TMEM108: variants seen among roughly 807,000 people sequenced by gnomAD.
The protein encoded by TMEM108 is cancer/testis antigen 124.
Under a neutral mutation model 35.1 loss-of-function variants are expected in TMEM108, and 12 were observed. That is an observed-to-expected ratio of 0.34 (90% CI 0.22 to 0.55). TMEM108 has a LOEUF of 0.55. Ranked by LOEUF, TMEM108 falls within the 20% of genes least tolerant of loss-of-function variation. The probability of loss-of-function intolerance (pLI) is 0.89; values close to 1 mark genes in which losing one functional copy is unlikely to be tolerated. For missense variants in TMEM108, 680 were observed against 753.3 expected, an observed-to-expected ratio of 0.90 and a Z score of 1.14; for synonymous variants, 287 against 308.6, an observed-to-expected ratio of 0.93 and a Z score of 0.73.
chr3:133,385,212 G>T (rs1490571043), intron 4 of TMEM108, among the ~76,000 whole-genome samples: 1 of 152,166 alleles, frequency 6.6e-6, no homozygotes, highest in Non-Finnish European at 1.5e-5. Context: ...GGATCAGAAG[G>T]CATTATGGCT....
chr3:133,311,276 A>G (rs1005971802), intron 3 of TMEM108, among the ~76,000 whole-genome samples: 1 of 152,172 alleles, frequency 6.6e-6, no homozygotes, highest in African/African-American at 2.4e-5. Flanking sequence ...AGGTTGGGGA[A>G]GTTCTCCTGG....
At chr3:133,046,629 G>C (rs1313164879) in intron 2 of TMEM108, among the ~76,000 whole-genome samples, 1 of 152,090 alleles carries the variant, frequency 6.6e-6, no homozygotes, top group Non-Finnish European at 1.5e-5. Context: ...AATGCATGTG[G>C]GCACTGGCAA....
chr3:133,241,609 CTTTTTTTT>C (rs71136458), intron 3 of TMEM108, among the ~76,000 whole-genome samples: 4 of 76,264 alleles, frequency 5.2e-5, no homozygotes, highest in East Asian at 9.5e-4. Context: ...TTTCCTGTGG[CTTTTTTTT>C]TTTTTTTTTT....
chr3:133,145,465 T>C (rs1944704792), intron 2 of TMEM108, among the ~76,000 whole-genome samples: 1 of 152,214 alleles, frequency 6.6e-6, no homozygotes, highest in African/African-American at 2.4e-5. Context: ...TGGTTCCGTA[T>C]GGAATTTAAA....
intron 2 of TMEM108, among the ~76,000 whole-genome samples, chr3:133,047,382 A>G (rs1943353340): frequency 6.6e-6 from 1 of 152,222 alleles, no homozygotes; most frequent in African/African-American, 2.4e-5. Flanking sequence ...CTTGGCTGGT[A>G]TGTTGCTGTG....
At chr3:133,056,881 A>G (rs1331265275) in intron 2 of TMEM108, among the ~76,000 whole-genome samples, 1 of 152,190 alleles carries the variant, frequency 6.6e-6, no homozygotes, top group Non-Finnish European at 1.5e-5. Context: ...GTAAAGTGAG[A>G]TTTATCGTGA....
At chr3:133,137,254 G>A (rs1388989009) in intron 2 of TMEM108, among the ~76,000 whole-genome samples, 3 of 152,162 alleles carry the variant, frequency 2.0e-5, no homozygotes, top group Admixed American at 2.0e-4. Context: ...GACTAAAGAC[G>A]CCATCCGAAG....
chr3:133,164,290 C>A (rs988270874), intron 2 of TMEM108, among the ~76,000 whole-genome samples: 24 of 152,212 alleles, frequency 1.6e-4, no homozygotes, highest in Non-Finnish European at 2.9e-5. Flanking sequence ...CTTGACTGAA[C>A]ACCTCTGACT....
chr3:133,188,981 A>C (rs1945460787), intron 2 of TMEM108, among the ~76,000 whole-genome samples: 1 of 152,108 alleles, frequency 6.6e-6, no homozygotes, highest in Non-Finnish European at 1.5e-5. Context: ...GCAGGGTAGG[A>C]GTGGGTGGGT....
intron 3 of TMEM108, among the ~76,000 whole-genome samples, chr3:133,338,779 TAAATAG>T (rs2071576567): frequency 6.6e-6 from 1 of 152,040 alleles, no homozygotes; most frequent in Non-Finnish European, 1.5e-5. Flanking sequence ...CGATAAGATA[TAAATAG>T]AAACAACAAA....
chr3:133,106,045 A>C (rs1944146894), intron 2 of TMEM108, among the ~76,000 whole-genome samples: 1 of 152,080 alleles, frequency 6.6e-6, no homozygotes, highest in Non-Finnish European at 1.5e-5. Flanking sequence ...GGAATTTATA[A>C]CCTAATAGGG....
At chr3:133,097,913 A>G (rs1559831493) in intron 2 of TMEM108, among the ~76,000 whole-genome samples, 3 of 152,204 alleles carry the variant, frequency 2.0e-5, no homozygotes, top group South Asian at 4.1e-4. Context: ...TCAGCCTTCT[A>G]AGTTTCAGTT....
At chr3:133,316,993 A>G (rs1188945367) in intron 3 of TMEM108, among the ~76,000 whole-genome samples, 1 of 152,238 alleles carries the variant, frequency 6.6e-6, no homozygotes, top group Admixed American at 6.5e-5. Context: ...AACCTCTTTT[A>G]GCATAAAAGA....
rs137909852 is a variant in TMEM108 at position 133,301,233 on chromosome 3, T to G, written c.40+71882T>G. Among the ~76,000 whole-genome samples, 41 of 152,292 alleles carry G rather than the reference T, an allele frequency of 2.7e-4. 1 individual carries two copies. The highest frequency in any genetic ancestry group is 9.4e-4 in the African/African-American group (39 of 41,522). On this transcript the variant is annotated intron_variant, in intron 3 of 5. Transcript: ENST00000321871. ...CCTCACTTCATTCTTCTTTCAAGAT[T>G]TGCTCTTAGGACCTAATGAACATTA...
intron 2 of TMEM108, among the ~76,000 whole-genome samples, chr3:133,150,777 G>T (rs543686830): frequency 2.0e-5 from 3 of 152,080 alleles, no homozygotes; most frequent in African/African-American, 7.2e-5. Context: ...GTCTGATGGC[G>T]CAGTGAACAT....
chr3:133,106,375 AATCATTGACTGACTGAGAT>A (rs1394875976), intron 2 of TMEM108, among the ~76,000 whole-genome samples: 9 of 152,126 alleles, frequency 5.9e-5, no homozygotes, highest in Non-Finnish European at 1.3e-4. Flanking sequence ...ATCAGATTCC[AATCATTGACTGACTGAGAT>A]TGAACCCAGC....
intron 3 of TMEM108, among the ~76,000 whole-genome samples, chr3:133,333,629 A>T (rs1197282): frequency 0.11 from 16,027 of 152,292 alleles, 1,280 homozygotes; most frequent in East Asian, 0.36. Context: ...AAAGAGAGCT[A>T]ACCTTTGACG....
At chr3:133,282,996 G>A (rs1306394353) in intron 3 of TMEM108, among the ~76,000 whole-genome samples, 7 of 152,176 alleles carry the variant, frequency 4.6e-5, no homozygotes, top group African/African-American at 1.7e-4. Flanking sequence ...ACACGTATGT[G>A]TGTAAACAAG....
intron 4 of TMEM108, among the ~76,000 whole-genome samples, chr3:133,385,395 C>G (rs1381184998): frequency 6.6e-6 from 1 of 152,226 alleles, no homozygotes; most frequent in Non-Finnish European, 1.5e-5. Context: ...GTCCTCACTT[C>G]ATGGCTTCTC....
Sources: allele counts gnomAD v4.1 joint callset (sites outside exome capture counted in the v4.1 genomes callset), GRCh38; gene constraint gnomAD v4.1.1; transcripts MANE v1.5; gene names NCBI Gene and HGNC (gene_info 2026-07-23, HGNC 2026-07-21).